The following ELOVL2 variants were observed in gnomAD, a reference collection of about 807,000 sequenced individuals.
ELOVL2 encodes the protein very long chain fatty acid elongase 2.
In ELOVL2, 38 loss-of-function variants were observed where a neutral mutation model predicts 37.7. The observed-to-expected ratio is 1.01, with a 90% CI of 0.78 to 1.32. ELOVL2 has a LOEUF of 1.32. ELOVL2 is among the 40% of genes most tolerant of loss of function. The pLI, the probability that ELOVL2 is intolerant of heterozygous loss-of-function variation, is 0.00. For missense variants in ELOVL2, 352 were observed against 363.6 expected (o/e 0.97, Z 0.26); for synonymous variants, 115 against 122.3 (o/e 0.94, Z 0.40).
intron 1 of ELOVL2, among the ~76,000 whole-genome samples, chr6:11,023,472 T>A (rs1782796644): frequency 6.6e-6 from 1 of 152,232 alleles, no homozygotes. Context: ...TATTTCTATG[T>A]ATTTCTATAT....
intron 1 of ELOVL2, among the ~76,000 whole-genome samples, chr6:11,011,587 C>CT (rs1043463973): frequency 2.6e-5 from 4 of 152,252 alleles, no homozygotes; most frequent in Non-Finnish European, 5.9e-5. Flanking sequence ...GAATCTAAAA[C>CT]TTTAAGTAGG....
intron 7 of ELOVL2, among the ~76,000 whole-genome samples, chr6:10,988,687 T>C (rs1194644031): frequency 6.6e-6 from 1 of 152,258 alleles, no homozygotes; most frequent in African/African-American, 2.4e-5. Flanking sequence ...AAGTATAGTT[T>C]TGAATATAAA....
In ELOVL2 at chr6:10,983,670, G is replaced by A; in HGVS notation, c.*111C>T. The A allele has an allele frequency of 8.6e-7, 1 of 1,169,004 alleles. No homozygotes were observed. 72.4% of individuals were successfully genotyped at this position (1,169,004 alleles called of 1,614,324 possible). A position where few individuals can be genotyped will look rare whatever the true frequency, so the allele number is the denominator to read the frequency against. ...TACATTCTGGGTACAAATGATTTAT[G>A]AACTCAAAAGAAATTAGTTTATCCT... On this transcript the variant is annotated 3_prime_UTR_variant, in exon 8 of 8. Coordinates refer to ENST00000354666, the MANE Select transcript of ELOVL2 (RefSeq NM_017770.4).
At chr6:10,996,474 C>G (rs1782270604) in intron 4 of ELOVL2, among the ~76,000 whole-genome samples, 1 of 151,820 alleles carries the variant, frequency 6.6e-6, no homozygotes, top group South Asian at 2.1e-4. Flanking sequence ...TAAAGACCAT[C>G]CTGGCTAACA....
chr6:11,027,772 T>C (rs1209031478), intron 1 of ELOVL2, among the ~76,000 whole-genome samples: 3 of 152,180 alleles, frequency 2.0e-5, no homozygotes, highest in East Asian at 1.9e-4. Flanking sequence ...TTCTCTGCTT[T>C]ACTATGTGGA....
At chr6:11,037,088 C>A (rs1252537033) in intron 1 of ELOVL2, among the ~76,000 whole-genome samples, 2 of 121,978 alleles carry the variant, frequency 1.6e-5, no homozygotes, top group African/African-American at 3.3e-5. Flanking sequence ...GGGAAAGAGA[C>A]AGAGAGGTAG....
At chr6:11,006,506 C>T (rs539201946) in intron 2 of ELOVL2, among the ~76,000 whole-genome samples, 5 of 152,338 alleles carry the variant, frequency 3.3e-5, no homozygotes, top group Non-Finnish European at 5.9e-5. Flanking sequence ...TTAACCTCCA[C>T]AAATGGAGTT....
chr6:11,020,404 G>C (rs1301065540), intron 1 of ELOVL2, among the ~76,000 whole-genome samples: 1 of 152,182 alleles, frequency 6.6e-6, no homozygotes, highest in Non-Finnish European at 1.5e-5. Context: ...ACTTTCTGTA[G>C]TAATTGGCAA....
intron 5 of ELOVL2, among the ~76,000 whole-genome samples, chr6:10,992,142 C>T (rs151324300): frequency 3.3e-5 from 5 of 152,306 alleles, no homozygotes; most frequent in East Asian, 3.9e-4. Flanking sequence ...GATGTCTACC[C>T]GTCTAGAAGG....
intron 1 of ELOVL2, among the ~76,000 whole-genome samples, chr6:11,021,340 G>A (rs1430476595): frequency 1.3e-5 from 2 of 152,254 alleles, no homozygotes; most frequent in East Asian, 1.9e-4. Flanking sequence ...ACACATTTGA[G>A]CTCTCAATAA....
intron 1 of ELOVL2, among the ~76,000 whole-genome samples, chr6:11,011,484 G>A (rs1782583243): frequency 6.6e-6 from 1 of 152,070 alleles, no homozygotes; most frequent in African/African-American, 2.4e-5. Context: ...TAACAGTTGT[G>A]GGTAGGCAAT....
chr6:10,994,896 C>T (rs1782235944), intron 5 of ELOVL2, 111 bp downstream of exon 5: 8 of 869,340 alleles, frequency 9.2e-6, no homozygotes, highest in African/African-American at 1.7e-5. Flanking sequence ...GGCCGGCGCT[C>T]TAGGCCTCCC....
intron 1 of ELOVL2, 107 bp from the exon 2 acceptor site, chr6:11,010,916 C>T (rs1782564202): frequency 2.4e-6 from 2 of 827,268 alleles, no homozygotes; most frequent in Non-Finnish European, 3.9e-6. Flanking sequence ...TTCAAAGGGT[C>T]CCAGCTTCAA....
At chr6:11,037,436 T>G (rs1384065838) in intron 1 of ELOVL2, among the ~76,000 whole-genome samples, 1 of 151,930 alleles carries the variant, frequency 6.6e-6, no homozygotes, top group Non-Finnish European at 1.5e-5. Flanking sequence ...ATCTTTAAAG[T>G]ATTGGAAATA....
chr6:11,023,358 T>A (rs1356405494), intron 1 of ELOVL2, among the ~76,000 whole-genome samples: 1 of 152,234 alleles, frequency 6.6e-6, no homozygotes, highest in East Asian at 1.9e-4. Context: ...GTACAAGTGG[T>A]ATCCTTTTGA....
chr6:10,989,675 T>C (rs1470623552), intron 7 of ELOVL2, 28 bp downstream of exon 7: 6 of 1,606,144 alleles, frequency 3.7e-6, no homozygotes, highest in Non-Finnish European at 5.1e-6. Context: ...GATTACATTT[T>C]ACTGCTGAAT....
rs140498430 is a variant in ELOVL2, at chr6:11,033,787, G to A, written c.3+10441C>T. Reference sequence around the variant, plus strand: ...CCCCAGAAGAAAAATCCTTAATGTCGAAACTAAAATCCATCATGACAGGAA... The same window carrying A: ...CCCCAGAAGAAAAATCCTTAATGTCAAAACTAAAATCCATCATGACAGGAA... On this transcript the variant is annotated intron_variant, in intron 1 of 7. Coordinates refer to ENST00000354666, the MANE Select transcript of ELOVL2 (RefSeq NM_017770.4). 2.2e-4 allele frequency among the ~76,000 whole-genome samples: 33 copies of A among 152,062 alleles called. No individual in the cohort carries two copies. In the East Asian group the frequency reaches 3.3e-3, roughly 15 times the overall value.
rs201355986 is a variant in ELOVL2, at chr6:10,983,759, G to C, written c.*22C>G. 6 of 1,593,712 alleles carry C rather than the reference G, an allele frequency of 3.8e-6. No individual in the cohort carries two copies. The highest frequency in any genetic ancestry group is 5.1e-6 in the Non-Finnish European group (6 of 1,171,968). Reference sequence around the variant, plus strand: ...AAGCCAATCTGTTAGGCTAGTATATGTGCTTTTTCTGTTACTCATTTTTAT... The same window carrying C: ...AAGCCAATCTGTTAGGCTAGTATATCTGCTTTTTCTGTTACTCATTTTTAT... On this transcript the variant is annotated 3_prime_UTR_variant, in exon 8 of 8. Transcript: ENST00000354666.
chr6:11,020,686 C>G (rs1298891930), intron 1 of ELOVL2, among the ~76,000 whole-genome samples: 4 of 152,176 alleles, frequency 2.6e-5, no homozygotes, highest in Non-Finnish European at 4.4e-5. Flanking sequence ...GAGGGGCTTC[C>G]CTCAGTGGAT....
Sources: allele counts gnomAD v4.1 joint callset (sites outside exome capture counted in the v4.1 genomes callset), GRCh38; gene constraint gnomAD v4.1.1; transcripts MANE v1.5; gene names NCBI Gene and HGNC (gene_info 2026-07-23, HGNC 2026-07-21).